PNPLA1: variants seen among roughly 807,000 people sequenced by gnomAD.
PNPLA1 encodes omega-hydroxyceramide transacylase.
A neutral mutation model predicts 51.7 loss-of-function variants in PNPLA1; 36 were observed. That is an observed-to-expected ratio of 0.70 (90% CI 0.53 to 0.92). PNPLA1 has a LOEUF of 0.92. Ranked by LOEUF, PNPLA1 falls within the 40% of genes least tolerant of loss-of-function variation. PNPLA1 has a pLI of 0.00. For missense variants in PNPLA1, 658 were observed against 682.5 expected (o/e 0.96, Z 0.40); for synonymous variants, 293 against 280.1 (o/e 1.05, Z -0.46).
At chr6:36,250,384 G>T (rs539224551) in intron 1 of PNPLA1, among the ~76,000 whole-genome samples, 5 of 152,310 alleles carry the variant, frequency 3.3e-5, no homozygotes, top group Admixed American at 2.0e-4. Flanking sequence ...GAATATCATG[G>T]TGTAAGGCTG....
chr6:36,293,064 C>G lies in PNPLA1; in HGVS notation c.442C>G (p.Leu148Val). 1 of 1,613,986 alleles carries G rather than the reference C, an allele frequency of 6.2e-7. No homozygotes were observed. The highest frequency in any genetic ancestry group is 8.5e-7 in the Non-Finnish European group (1 of 1,179,896). Residue 148 changes from leucine to valine, a missense_variant, in exon 3 of 9, where the codon CTA (leucine) becomes GTA (valine). Leu to Val is a conservative substitution (Grantham distance 32). Transcript: ENST00000636260. ...FTSKEELIEALYCSCFVPVYC... is the reference protein window; with the variant it reads ...FTSKEELIEAVYCSCFVPVYC... ...CAGCCCTGTTCTCTCCGCACAGGCC[C>G]TATACTGCAGCTGCTTCGTCCCGGT...
At chr6:36,249,422 A>G (rs1016529020) in intron 1 of PNPLA1, among the ~76,000 whole-genome samples, 6 of 152,236 alleles carry the variant, frequency 3.9e-5, no homozygotes. Flanking sequence ...TTTTGACCGA[A>G]TTGTCCACAG....
intron 1 of PNPLA1, among the ~76,000 whole-genome samples, chr6:36,284,035 G>T (rs1770399577): frequency 6.6e-6 from 1 of 152,216 alleles, no homozygotes; most frequent in Non-Finnish European, 1.5e-5. Context: ...TTCCCTCTCT[G>T]CCTGTTTCAC....
chr6:36,252,999 A>G (rs890279627), intron 1 of PNPLA1, among the ~76,000 whole-genome samples: 8 of 152,154 alleles, frequency 5.3e-5, no homozygotes, highest in Non-Finnish European at 7.4e-5. Context: ...TGGGCAACAC[A>G]TGAAACCCCA....
chr6:36,313,923 C>G lies in PNPLA1; in HGVS notation c.*2037C>G, dbSNP rs565672205. Among the ~76,000 whole-genome samples, 31 of 152,328 alleles carry G rather than the reference C, an allele frequency of 2.0e-4. 1 individual carries two copies. In the East Asian group the frequency reaches 5.2e-3, roughly 26 times the overall value. On this transcript the variant is annotated 3_prime_UTR_variant, in exon 9 of 9. Coordinates refer to ENST00000636260, the MANE Select transcript of PNPLA1 (RefSeq NM_001374623.1). ...TGCTCTTAATGTCAATTATGTTAAA[C>G]TATTAATACATCCTCTTGCATACTT...
intron 1 of PNPLA1, among the ~76,000 whole-genome samples, chr6:36,279,019 G>A (rs1053320025): frequency 6.6e-5 from 10 of 152,248 alleles, no homozygotes; most frequent in African/African-American, 2.2e-4. Flanking sequence ...AGGCCCCTCT[G>A]AGGTGGATGA....
chr6:36,287,593 T>C (rs902928082), intron 1 of PNPLA1, among the ~76,000 whole-genome samples: 1 of 152,148 alleles, frequency 6.6e-6, no homozygotes, highest in Non-Finnish European at 1.5e-5. Context: ...TTATCCCCTT[T>C]CTCAGCACCC....
chr6:36,302,024 G>C lies in PNPLA1; in HGVS notation c.939G>C (p.Glu313Asp). 1 of 1,614,246 alleles carries C rather than the reference G, an allele frequency of 6.2e-7. No homozygotes were observed. The highest frequency in any genetic ancestry group is 8.5e-7 in the Non-Finnish European group (1 of 1,180,042). ...AAGGAGCCACACAACCTCACAAGGA[G>C]TGGGTTCCCAAAGGGGATGGAAGGG... ...SLEGATQPHK[E>D]WVPKGDGRGS... Residue 313 changes from glutamate to aspartate, a missense_variant, in exon 6 of 9, where the codon GAG (glutamate) becomes GAC (aspartate). Coordinates refer to ENST00000636260, the MANE Select transcript of PNPLA1 (RefSeq NM_001374623.1).
At chr6:36,257,248 G>A (rs1179936500) in intron 1 of PNPLA1, among the ~76,000 whole-genome samples, 2 of 152,140 alleles carry the variant, frequency 1.3e-5, no homozygotes, top group African/African-American at 4.8e-5. Context: ...CATTTTCTGA[G>A]CCCCAACAAC....
At position 36,270,176 on chromosome 6, in the gene PNPLA1, C is replaced by A. The variant is rs759330005; in HGVS notation, c.-284C>A. 3.6e-4 allele frequency among the ~76,000 whole-genome samples: 55 copies of A among 152,364 alleles called. No individual in the cohort carries two copies. The highest frequency in any genetic ancestry group is 1.3e-3 in the African/African-American group (52 of 41,592). On this transcript the variant is annotated 5_prime_UTR_variant, in exon 1 of 9. Transcript: ENST00000636260. Reference sequence around the variant, plus strand: ...GCCAAGAAATGAAGCCAGTGGGGGGCTCACAGGACCAAGACCCTGCTCACA... The same window carrying A: ...GCCAAGAAATGAAGCCAGTGGGGGGATCACAGGACCAAGACCCTGCTCACA...
rs577094368 is a variant in PNPLA1, at chr6:36,291,838, G to T, written c.438+286G>T. ...CCTGGAGCTTCCCAGAGGCCCAGGT[G>T]TGACTTGCAGAGGGCCTGGGTCTCC... On this transcript the variant is annotated intron_variant, in intron 2 of 8. Coordinates refer to ENST00000636260, the MANE Select transcript of PNPLA1 (RefSeq NM_001374623.1). Among the ~76,000 whole-genome samples the T allele has an allele frequency of 7.2e-5, 11 of 152,282 alleles. No individual in the cohort carries two copies. The East Asian group carries it at 2.1e-3, about 30-fold the overall frequency.
intron 1 of PNPLA1, among the ~76,000 whole-genome samples, chr6:36,257,935 G>A (rs1322574029): frequency 1.3e-5 from 2 of 152,158 alleles, no homozygotes; most frequent in South Asian, 2.1e-4. Context: ...TAAATTGGCC[G>A]AACTCTCAAA....
chr6:36,298,959 G>A (rs572895166), intron 5 of PNPLA1, among the ~76,000 whole-genome samples: 7 of 152,240 alleles, frequency 4.6e-5, no homozygotes, highest in Non-Finnish European at 8.8e-5. Context: ...GGATGGTCTC[G>A]ATCTCCTCAC....
chr6:36,288,814 G>A (rs576006035), intron 1 of PNPLA1, among the ~76,000 whole-genome samples: 1 of 152,220 alleles, frequency 6.6e-6, no homozygotes, highest in African/African-American at 2.4e-5. Flanking sequence ...GCACATGCCT[G>A]TAATCCCAGC....
chr6:36,313,880 C>T lies in PNPLA1; in HGVS notation c.*1994C>T, dbSNP rs375992450. Among the ~76,000 whole-genome samples the T allele has an allele frequency of 1.0e-3, 153 of 152,324 alleles. No individual in the cohort carries two copies. The highest frequency in any genetic ancestry group is 3.6e-3 in the African/African-American group (151 of 41,578). On this transcript the variant is annotated 3_prime_UTR_variant, in exon 9 of 9. Transcript: ENST00000636260. Reference sequence around the variant, plus strand: ...CATAATTATTGTTTTAATTCAAAGTCTGTATTTAGAGCCCAGATGCTCTTA... The same window carrying T: ...CATAATTATTGTTTTAATTCAAAGTTTGTATTTAGAGCCCAGATGCTCTTA...
chr6:36,254,199 T>C (rs1232893392), intron 1 of PNPLA1, among the ~76,000 whole-genome samples: 1 of 152,242 alleles, frequency 6.6e-6, no homozygotes, highest in Non-Finnish European at 1.5e-5. Flanking sequence ...AACTAATTGC[T>C]TCTGTTCTTT....
At chr6:36,259,985 GA>G (rs1285228023) in intron 1 of PNPLA1, among the ~76,000 whole-genome samples, 1 of 152,006 alleles carries the variant, frequency 6.6e-6, no homozygotes, top group African/African-American at 2.4e-5. Flanking sequence ...AATAAAAGTT[GA>G]AATTTTTTTT....
intron 1 of PNPLA1, among the ~76,000 whole-genome samples, chr6:36,245,962 C>T (rs753238683): frequency 3.9e-5 from 6 of 152,244 alleles, no homozygotes; most frequent in Non-Finnish European, 8.8e-5. Context: ...TGTTATTCCA[C>T]ACACAGATAT....
chr6:36,245,878 C>G (rs1561843898), intron 1 of PNPLA1, among the ~76,000 whole-genome samples: 1 of 152,190 alleles, frequency 6.6e-6, no homozygotes, highest in Non-Finnish European at 1.5e-5. Context: ...CCCCGCCCCC[C>G]GCCACACTGC....
Sources: gnomAD v4.1 joint callset for allele counts (sites outside exome capture counted in the v4.1 genomes callset) on GRCh38, gnomAD v4.1.1 for gene constraint, MANE v1.5 for transcripts, NCBI Gene and HGNC (gene_info 2026-07-23, HGNC 2026-07-21) for gene names.